The following IGSF21 variants were observed in gnomAD, a reference collection of about 807,000 sequenced individuals.
IGSF21 encodes immunoglobin superfamily member 21.
A neutral mutation model predicts 46.8 loss-of-function variants in IGSF21; 28 were observed. That is an observed-to-expected ratio of 0.60 (90% CI 0.44 to 0.82). IGSF21 has a LOEUF of 0.82. Among genes scored for constraint, IGSF21 ranks in the 40% least tolerant of loss-of-function variants. The pLI is 0.00. For synonymous variants in IGSF21, 284 were observed against 273.6 expected, an observed-to-expected ratio of 1.04 and a Z score of -0.38; for missense variants, 624 against 665.5, an observed-to-expected ratio of 0.94 and a Z score of 0.69.
chr1:18,277,182 G>C (rs1233032814), intron 2 of IGSF21, among the ~76,000 whole-genome samples: 1 of 152,220 alleles, frequency 6.6e-6, no homozygotes, highest in Non-Finnish European at 1.5e-5. Context: ...CAGGACAAAG[G>C]CTGGGGTCAC....
chr1:18,241,776 A>G (rs1184253992), intron 2 of IGSF21, among the ~76,000 whole-genome samples: 1 of 152,178 alleles, frequency 6.6e-6, no homozygotes, highest in Admixed American at 6.5e-5. Flanking sequence ...CACCTCACTG[A>G]ATCCATACAG....
intron 2 of IGSF21, among the ~76,000 whole-genome samples, chr1:18,236,926 T>C (rs776766721): frequency 1.3e-5 from 2 of 152,122 alleles, no homozygotes; most frequent in Non-Finnish European, 2.9e-5. Context: ...AATGCCTAGC[T>C]AGAGTGGGCT....
At chr1:18,110,908 C>T (rs2086137359) in intron 1 of IGSF21, 1 of 152,322 alleles carries the variant, frequency 6.6e-6, no homozygotes, top group South Asian at 2.1e-4. Context: ...TGGGGGCAGC[C>T]CCAGTTAGGG....
chr1:18,120,846 G>A (rs2086228504), intron 1 of IGSF21, among the ~76,000 whole-genome samples: 1 of 152,170 alleles, frequency 6.6e-6, no homozygotes, highest in Non-Finnish European at 1.5e-5. Flanking sequence ...CCACAGGCTG[G>A]TATTGACCTT....
At chr1:18,124,938 T>C (rs978409099) in intron 1 of IGSF21, among the ~76,000 whole-genome samples, 8 of 152,132 alleles carry the variant, frequency 5.3e-5, no homozygotes. Context: ...GGAGATGTCA[T>C]CCATGGTGAT....
chr1:18,188,683 G>A (rs929270677), intron 1 of IGSF21, among the ~76,000 whole-genome samples: 5 of 152,188 alleles, frequency 3.3e-5, no homozygotes, highest in Admixed American at 3.3e-4. Context: ...ACCCAGAACT[G>A]TGCAGAGCAC....
chr1:18,145,713 G>A (rs919885762), intron 1 of IGSF21, among the ~76,000 whole-genome samples: 3 of 152,288 alleles, frequency 2.0e-5, no homozygotes, highest in East Asian at 1.9e-4. Context: ...CCCTCATGTC[G>A]GCTTCTCAGG....
At chr1:18,245,276 T>C (rs1307537176) in intron 2 of IGSF21, among the ~76,000 whole-genome samples, 3 of 152,208 alleles carry the variant, frequency 2.0e-5, no homozygotes, top group Admixed American at 6.5e-5. Context: ...AATTAAATGC[T>C]CCTTAAAAAT....
intron 2 of IGSF21, among the ~76,000 whole-genome samples, chr1:18,237,007 A>G (rs1354967058): frequency 6.6e-6 from 1 of 152,184 alleles, no homozygotes; most frequent in Admixed American, 6.5e-5. Context: ...GAGCTTGAAC[A>G]TCTGAACAAA....
rs530336833 is a variant in IGSF21, at chr1:18,253,879, G to A, written c.183+25869G>A. Among the ~76,000 whole-genome samples the A allele has an allele frequency of 2.6e-5, 4 of 152,290 alleles. No individual in the cohort carries two copies. The South Asian group carries it at 8.3e-4, about 32-fold the overall frequency. Reference sequence around the variant, plus strand: ...TTCTGAAACAGCAGATTTTAAGCTGGGCTTTGAAAGGTGGATCAAGTCAGG... The same window carrying A: ...TTCTGAAACAGCAGATTTTAAGCTGAGCTTTGAAAGGTGGATCAAGTCAGG... On this transcript the variant is annotated intron_variant, in intron 2 of 9. Coordinates refer to ENST00000251296, the MANE Select transcript of IGSF21 (RefSeq NM_032880.5).
chr1:18,255,777 G>A (rs571231685), intron 2 of IGSF21, among the ~76,000 whole-genome samples: 2 of 152,036 alleles, frequency 1.3e-5, no homozygotes, highest in East Asian at 1.9e-4. Flanking sequence ...TCTCTTCAAT[G>A]TGCCTGCTCC....
chr1:18,279,562 C>G (rs1487652783), intron 2 of IGSF21, among the ~76,000 whole-genome samples: 3 of 152,158 alleles, frequency 2.0e-5, no homozygotes, highest in African/African-American at 7.2e-5. Flanking sequence ...GATGGGGGAG[C>G]CAAGGCCCAG....
At chr1:18,217,523 C>T (rs2084461628) in intron 1 of IGSF21, among the ~76,000 whole-genome samples, 1 of 152,226 alleles carries the variant, frequency 6.6e-6, no homozygotes. Flanking sequence ...ACACAACTTC[C>T]TGGCCCTCCT....
chr1:18,285,977 G>T (rs903938256), intron 2 of IGSF21, among the ~76,000 whole-genome samples: 2 of 152,124 alleles, frequency 1.3e-5, no homozygotes, highest in Non-Finnish European at 2.9e-5. Flanking sequence ...ATTCTCACAC[G>T]TGTGCCTTAC....
In IGSF21 at chr1:18,221,724, C is replaced by T. The variant is rs141116521; in HGVS notation, c.71-6174C>T. 6.5e-3 allele frequency among the ~76,000 whole-genome samples: 986 copies of T among 152,218 alleles called. 11 individuals carry two copies. Among genetic ancestry groups the T allele is most frequent in the Non-Finnish European group, 8.5e-3 (577 of 68,016 alleles). On this transcript the variant is annotated intron_variant, in intron 1 of 9. Transcript: ENST00000251296. ...CCACTCCTGATCCACTTCTCGATAC[C>T]GCGCTTAGTGGGGCTCACACATCGA...
chr1:18,340,284 G>A (rs958090682), intron 4 of IGSF21, among the ~76,000 whole-genome samples: 1 of 152,120 alleles, frequency 6.6e-6, no homozygotes, highest in Non-Finnish European at 1.5e-5. Flanking sequence ...CAGAAGATGA[G>A]CAAGTGAAGA....
In IGSF21 at chr1:18,246,522, T is replaced by C. The variant is rs569802742; in HGVS notation, c.183+18512T>C. Reference sequence around the variant, plus strand: ...CTCTGCAATTATTTCTGTGGTCTTGTCCCCTCTGGCTTCCTGCAAAGATGG... The same window carrying C: ...CTCTGCAATTATTTCTGTGGTCTTGCCCCCTCTGGCTTCCTGCAAAGATGG... On this transcript the variant is annotated intron_variant, in intron 2 of 9. Transcript: ENST00000251296. 7.9e-5 allele frequency among the ~76,000 whole-genome samples: 12 copies of C among 152,112 alleles called. No homozygotes were observed. The South Asian group carries it at 2.5e-3, about 32-fold the overall frequency.
rs1557643077 is a variant in IGSF21, at chr1:18,322,637, G to T, written c.306-12255G>T. ...TTTTTCTGAAGAGCACGTGCCCCAC[G>T]CCCCCTGCCTGCCAGTCCTGGGATG... On this transcript the variant is annotated intron_variant, in intron 3 of 9. Coordinates refer to ENST00000251296, the MANE Select transcript of IGSF21 (RefSeq NM_032880.5). The surrounding 1 kb of genome is among the most constrained non-coding windows in gnomAD (Gnocchi z 4.3). 1.3e-5 allele frequency among the ~76,000 whole-genome samples: 2 copies of T among 152,062 alleles called. No homozygotes were observed. The highest frequency in any genetic ancestry group is 2.4e-5 in the African/African-American group (1 of 41,402).
At chr1:18,363,581 A>T (rs921201811) in intron 5 of IGSF21, among the ~76,000 whole-genome samples, 1 of 151,702 alleles carries the variant, frequency 6.6e-6, no homozygotes, top group African/African-American at 2.4e-5. Context: ...AGGGGAGTAG[A>T]GACACAGGTG....
Sources: allele counts gnomAD v4.1 joint callset (sites outside exome capture counted in the v4.1 genomes callset), GRCh38; gene constraint gnomAD v4.1.1; non-coding constraint Gnocchi (gnomAD v3.1); transcripts MANE v1.5; gene names NCBI Gene and HGNC (gene_info 2026-07-23, HGNC 2026-07-21).